The following CCDC6 variants were observed in gnomAD, a reference collection of about 807,000 sequenced individuals.
CCDC6 encodes the protein coiled-coil domain containing 6.
In CCDC6, 20 loss-of-function variants were observed where a neutral mutation model predicts 56.6. The observed-to-expected ratio is 0.35, with a 90% CI of 0.25 to 0.51. The LOEUF is 0.51. CCDC6 is among the 20% of genes least tolerant of loss of function. The pLI, the probability that CCDC6 is intolerant of heterozygous loss-of-function variation, is 0.95. For synonymous variants in CCDC6, 241 were observed against 234.4 expected (o/e 1.03, Z -0.26); for missense variants, 367 against 601.1 (o/e 0.61, Z 4.07).
intron 1 of CCDC6, among the ~76,000 whole-genome samples, chr10:59,899,586 A>G (rs1296156119): frequency 6.6e-6 from 1 of 152,148 alleles, no homozygotes; most frequent in Non-Finnish European, 1.5e-5. Flanking sequence ...ACCAGTATTT[A>G]TTTGCATTAC....
intron 2 of CCDC6, among the ~76,000 whole-genome samples, chr10:59,850,096 C>T (rs1174668450): frequency 6.6e-6 from 1 of 152,126 alleles, no homozygotes; most frequent in Non-Finnish European, 1.5e-5. Flanking sequence ...AACAGATCTC[C>T]TGTTATGCCT....
chr10:59,897,908 C>T (rs1029405465), intron 1 of CCDC6, among the ~76,000 whole-genome samples: 4 of 152,200 alleles, frequency 2.6e-5, no homozygotes, highest in Non-Finnish European at 5.9e-5. Flanking sequence ...TACCAAGTGG[C>T]CTCATTTGAT....
intron 1 of CCDC6, among the ~76,000 whole-genome samples, chr10:59,890,932 C>T (rs905978726): frequency 6.6e-6 from 1 of 151,996 alleles, no homozygotes; most frequent in African/African-American, 2.4e-5. Context: ...TACCCTGTGT[C>T]CAAGTGTTCT....
intron 3 of CCDC6, among the ~76,000 whole-genome samples, chr10:59,832,267 C>A: frequency 6.6e-6 from 1 of 152,212 alleles, no homozygotes; most frequent in East Asian, 1.9e-4. Flanking sequence ...AGGAAGCTGA[C>A]ATTTCCTGCT....
chr10:59,821,190 C>T (rs2070747139), intron 3 of CCDC6, among the ~76,000 whole-genome samples: 1 of 152,146 alleles, frequency 6.6e-6, no homozygotes, highest in Non-Finnish European at 1.5e-5. Flanking sequence ...TCCCATACAC[C>T]TGAGTTAATC....
chr10:59,829,800 A>C (rs2070820013), intron 3 of CCDC6, among the ~76,000 whole-genome samples: 1 of 152,206 alleles, frequency 6.6e-6, no homozygotes, highest in African/African-American at 2.4e-5. Context: ...TTTTGAGTTC[A>C]CAACAATGTC....
chr10:59,830,037 A>G (rs567374713), intron 3 of CCDC6, among the ~76,000 whole-genome samples: 1 of 152,356 alleles, frequency 6.6e-6, no homozygotes, highest in South Asian at 2.1e-4. Flanking sequence ...GCCTTCTGAA[A>G]TACAGAGGAC....
In CCDC6 at chr10:59,800,012, C is replaced by A. The variant is rs563159605; in HGVS notation, c.1105+4408G>T. Among the ~76,000 whole-genome samples the A allele has an allele frequency of 1.1e-4, 17 of 152,314 alleles. No homozygotes were observed. In the South Asian group the frequency reaches 3.1e-3, roughly 28 times the overall value. On this transcript the variant is annotated intron_variant, in intron 7 of 8. Coordinates refer to ENST00000263102, the MANE Select transcript of CCDC6 (RefSeq NM_005436.5). ...TCTCAAAAGCTCTCTAAGCTGGTCG[C>A]TCTCTCCTCTTTGAACCTCTTTTTA...
chr10:59,827,199 A>G lies in CCDC6; in HGVS notation c.582+5326T>C, dbSNP rs180950279. 2.0e-3 allele frequency among the ~76,000 whole-genome samples: 302 copies of G among 152,346 alleles called. 2 individuals carry two copies. The highest frequency in any genetic ancestry group is 0.01 in the Middle Eastern group (3 of 294). Reference sequence around the variant, plus strand: ...ACCAAAGCATTGGGCAAGGCAGAGCACTTTTTTCAAACTGAAGGTCAAGAC... The same window carrying G: ...ACCAAAGCATTGGGCAAGGCAGAGCGCTTTTTTCAAACTGAAGGTCAAGAC... On this transcript the variant is annotated intron_variant, in intron 3 of 8. Transcript: ENST00000263102.
intron 6 of CCDC6, chr10:59,806,566 C>A (rs2070625638): frequency 5.3e-6 from 1 of 187,920 alleles, no homozygotes; most frequent in East Asian, 1.3e-4. Flanking sequence ...GCTTGCTTAT[C>A]CTTATACAGT....
At position 59,906,373 on chromosome 10, in the gene CCDC6, T is replaced by C. The variant is rs1490027627; in HGVS notation, c.52A>G (p.Ser18Gly). ...GACGACTGCATGGCGGCCGAGCTGC[T>C]GCTGTTGCCCCCCGCCCCGTCCGTG... is the stretch of plus-strand genomic sequence containing the variant. ...SDTDGAGGNS[S>G]SSAAMQSSCS... The change falls in exon 1 of 9, where the codon AGC (serine) becomes GGC (glycine). Residue 18 changes from serine (S) to glycine (G), a missense_variant. This residue lies in a region of CCDC6 where 79 missense variants were observed against 74.9 expected (regional missense o/e 1.05). Coordinates refer to ENST00000263102, the MANE Select transcript of CCDC6 (RefSeq NM_005436.5). 1.9e-6 allele frequency: 3 copies of C among 1,592,728 alleles called. No homozygotes were observed. The highest frequency in any genetic ancestry group is 2.5e-6 in the Non-Finnish European group (3 of 1,177,288).
intron 3 of CCDC6, among the ~76,000 whole-genome samples, chr10:59,822,835 T>C (rs2070758561): frequency 1.3e-5 from 2 of 152,066 alleles, no homozygotes; most frequent in African/African-American, 4.8e-5. Context: ...ATCCCTGTTT[T>C]TCCACTCGAA....
chr10:59,832,765 C>T (rs1265717003), intron 2 of CCDC6, 112 bp from the exon 3 acceptor site: 5 of 1,163,004 alleles, frequency 4.3e-6, no homozygotes, highest in South Asian at 3.1e-5. Flanking sequence ...GTTACATTAC[C>T]CATTTTTGCT....
intron 5 of CCDC6, 115 bp from the exon 6 acceptor site, chr10:59,807,193 T>C (rs966221178): frequency 1.1e-6 from 1 of 908,816 alleles, no homozygotes. Flanking sequence ...TGTTACAAGA[T>C]GGTCTTTCTG....
chr10:59,904,489 G>A (rs1171827), intron 1 of CCDC6, among the ~76,000 whole-genome samples: 143,588 of 152,260 alleles, frequency 0.94, 68,207 homozygotes, highest in Middle Eastern at 1. Flanking sequence ...ATGGCTCACA[G>A]TCTCCAAGAG....
At chr10:59,814,819 T>C (rs942833669) in intron 3 of CCDC6, 64 bp from the exon 4 acceptor site, 1 of 1,069,848 alleles carries the variant, frequency 9.3e-7, no homozygotes. Flanking sequence ...ATACATTTTT[T>C]GATTGAACAA....
intron 1 of CCDC6, among the ~76,000 whole-genome samples, chr10:59,868,173 T>C (rs1428679885): frequency 6.6e-6 from 1 of 152,182 alleles, no homozygotes; most frequent in African/African-American, 2.4e-5. Context: ...TTCAGATACT[T>C]TTGAGCTCAC....
intron 1 of CCDC6, among the ~76,000 whole-genome samples, chr10:59,905,565 C>G (rs1226977186): frequency 6.6e-6 from 1 of 152,182 alleles, no homozygotes; most frequent in African/African-American, 2.4e-5. Context: ...CCCTCTCGAT[C>G]CCGGCCAGAA....
chr10:59,876,091 T>TTTTTTTTTTTTTTTTTTTTTC (rs1564754331), intron 1 of CCDC6, among the ~76,000 whole-genome samples: 1 of 146,196 alleles, frequency 6.8e-6, no homozygotes, highest in African/African-American at 2.6e-5. Flanking sequence ...TTTTTTTTTT[T>TTTTTTTTTTTTTTTTTTTTTC]CAGATCGAGT....
Sources: allele counts gnomAD v4.1 joint callset (sites outside exome capture counted in the v4.1 genomes callset), GRCh38; gene constraint gnomAD v4.1.1; regional missense constraint gnomAD v4.1.1; transcripts MANE v1.5; gene names NCBI Gene and HGNC (gene_info 2026-07-23, HGNC 2026-07-21).